The following PGD variants were observed in gnomAD, a reference collection of about 807,000 sequenced individuals.
PGD encodes the protein 6-phosphogluconate dehydrogenase, decarboxylating.
PGD carries 21 observed loss-of-function variants against 60.4 expected under a neutral mutation model. The ratio of observed to expected loss-of-function variants is 0.35; its 90% CI spans 0.25 to 0.50. The LOEUF (loss-of-function observed/expected upper bound fraction) is 0.50. PGD is among the 20% of genes least tolerant of loss of function. The probability of loss-of-function intolerance (pLI) is 0.98; values close to 1 mark genes in which losing one functional copy is unlikely to be tolerated. For synonymous variants in PGD, 230 were observed against 235.9 expected, an observed-to-expected ratio of 0.97 and a Z score of 0.23; for missense variants, 477 against 613.1, an observed-to-expected ratio of 0.78 and a Z score of 2.34.
intron 3 of PGD, among the ~76,000 whole-genome samples, chr1:10,400,890 G>A (rs926987418): frequency 2.0e-5 from 3 of 152,098 alleles, no homozygotes; most frequent in African/African-American, 4.8e-5. Context: ...CCAGGAGTTC[G>A]AGACCAGCCT....
At position 10,419,527 on chromosome 1, in the gene PGD, C is replaced by T. The variant is rs1298232789; in HGVS notation, c.1320C>T (p.Ala440=). Residue 440 remains alanine (A), a synonymous_variant, in exon 12 of 13, where the codon GCC becomes GCT. Coordinates refer to ENST00000270776, the MANE Select transcript of PGD (RefSeq NM_002631.4). ...YDGYRHEMLP[A]SLIQAQRDYF... is the part of the protein sequence containing the mutation. ...GGTACAGACATGAGATGCTTCCAGCCAGCCTCATCCAGGTAAGCCTGTGGA... is the reference window on the plus strand; with the variant it reads ...GGTACAGACATGAGATGCTTCCAGCTAGCCTCATCCAGGTAAGCCTGTGGA... 1.8e-5 allele frequency: 29 copies of T among 1,614,104 alleles called. No homozygotes were observed. The highest frequency in any genetic ancestry group is 2.3e-5 in the Non-Finnish European group (27 of 1,180,040).
intron 5 of PGD, among the ~76,000 whole-genome samples, chr1:10,405,401 T>C (rs78168259): frequency 6.2e-4 from 67 of 108,496 alleles, no homozygotes; most frequent in African/African-American, 1.5e-3. Flanking sequence ...AAACAAAAAA[T>C]ACACACACAC....
rs780912717 is a variant in PGD, at chr1:10,399,608, G to C, written c.9-21G>C. On this transcript the variant is annotated intron_variant, in intron 1 of 12. Coordinates refer to ENST00000270776, the MANE Select transcript of PGD (RefSeq NM_002631.4). Reference sequence around the variant, plus strand: ...TCGAGCGGTGCTGACTCTTTCCTTTGTTCTGTTTCTGCCTCTCTAGAGCTG... The same window carrying C: ...TCGAGCGGTGCTGACTCTTTCCTTTCTTCTGTTTCTGCCTCTCTAGAGCTG... The C allele has an allele frequency of 1.7e-5, 27 of 1,610,936 alleles. No individual in the cohort carries two copies. In the East Asian group the frequency reaches 3.6e-4, roughly 21 times the overall value.
chr1:10,413,077 A>G lies in PGD; in HGVS notation c.670A>G (p.Asn224Asp). ...CTGCATGTAGGCCTTTGAGGATTGG[A>G]ATAAGACAGAGCTAGACTCATTCCT... ...DEMAQAFEDW[N>D]KTELDSFLIE... Residue 224 changes from asparagine (N) to aspartate (D), a missense_variant, in exon 8 of 13, where the codon AAT becomes GAT. By Grantham distance (23) the Asn-to-Asp change is conservative. Transcript: ENST00000270776. 2 of 1,614,086 alleles carry G rather than the reference A, an allele frequency of 1.2e-6. No homozygotes were observed. The highest frequency in any genetic ancestry group is 1.7e-6 in the Non-Finnish European group (2 of 1,179,946).
chr1:10,408,941 A>G (rs182691457), intron 6 of PGD, among the ~76,000 whole-genome samples: 1 of 152,184 alleles, frequency 6.6e-6, no homozygotes, highest in Non-Finnish European at 1.5e-5. Flanking sequence ...ACTTTATCTC[A>G]TATTGTAGTT....
chr1:10,406,273 T>C (rs567054146), intron 5 of PGD, among the ~76,000 whole-genome samples: 9 of 152,200 alleles, frequency 5.9e-5, no homozygotes, highest in African/African-American at 1.7e-4. Flanking sequence ...AACAGCTGTG[T>C]GTGCAGTGGC....
chr1:10,412,982 C>A, intron 7 of PGD, 80 bp from the exon 8 acceptor site: 1 of 1,208,646 alleles, frequency 8.3e-7, no homozygotes, highest in Non-Finnish European at 1.2e-6. Context: ...GAGCATTGGT[C>A]AGCGTGGACA....
Position 10,417,396 on chromosome 1 carries a change from C to T in PGD, c.996C>T (p.Ile332=), listed in dbSNP as rs202058165. Residue 332 remains isoleucine, a synonymous_variant, in exon 10 of 13, where the codon ATC becomes ATT. Transcript: ENST00000270776. ...TTTAGGCACTCTACGCTTCCAAGAT[C>T]ATCTCTTACGCTCAAGGCTTTATGC... ...DIRKALYASK[I]ISYAQGFMLL... The T allele has an allele frequency of 9.3e-6, 15 of 1,612,132 alleles. No individual in the cohort carries two copies. Among genetic ancestry groups the T allele is most frequent in the Non-Finnish European group, 1.3e-5 (15 of 1,179,236 alleles).
chr1:10,411,379 G>T (rs1639495690), intron 6 of PGD, 39 bp from the exon 7 acceptor site: 1 of 1,610,588 alleles, frequency 6.2e-7, no homozygotes, highest in African/African-American at 1.3e-5. Flanking sequence ...TGTGTCGCCT[G>T]TTTCTCTGAA....
intron 7 of PGD, 135 bp downstream of exon 7, chr1:10,411,687 A>G (rs1249804754): frequency 3.3e-6 from 3 of 911,518 alleles, no homozygotes; most frequent in Admixed American, 2.2e-5. Context: ...TTTGAGGGAA[A>G]CTGTTAGTAA....
At chr1:10,415,198 TC>T (rs1639574623) in intron 8 of PGD, 1 of 152,212 alleles carries the variant, frequency 6.6e-6, no homozygotes, top group African/African-American at 2.4e-5. Flanking sequence ...CCTTTTGACC[TC>T]CCTGTTCATT....
In PGD at chr1:10,418,543, G is replaced by A. The variant is rs568830602; in HGVS notation, c.1110-283G>A. ...TGTAATCCCAGCGTTTTGGGAGGCCGAGGCAGGCGGATCACGAGGTCAGGA... is the reference window on the plus strand; with the variant it reads ...TGTAATCCCAGCGTTTTGGGAGGCCAAGGCAGGCGGATCACGAGGTCAGGA... On this transcript the variant is annotated intron_variant, in intron 10 of 12. Transcript: ENST00000270776. Among the ~76,000 whole-genome samples, 442 of 152,188 alleles carry A rather than the reference G, an allele frequency of 2.9e-3. 2 individuals are homozygous for A. Among genetic ancestry groups the A allele is most frequent in the African/African-American group, 0.01 (422 of 41,530 alleles).
intron 3 of PGD, among the ~76,000 whole-genome samples, chr1:10,402,434 C>T (rs1639330255): frequency 6.6e-6 from 1 of 151,716 alleles, no homozygotes; most frequent in Non-Finnish European, 1.5e-5. Context: ...ATTAAGTAGG[C>T]TGGGTGCGTT....
intron 8 of PGD, among the ~76,000 whole-genome samples, chr1:10,415,715 T>A (rs1007240170): frequency 9.2e-5 from 14 of 152,206 alleles, no homozygotes; most frequent in African/African-American, 3.1e-4. Context: ...AGAAATAAAG[T>A]CCTCTGTTAG....
At chr1:10,406,729 A>T (rs1443696573) in intron 5 of PGD, among the ~76,000 whole-genome samples, 2 of 152,206 alleles carry the variant, frequency 1.3e-5, no homozygotes, top group African/African-American at 4.8e-5. Flanking sequence ...ACAGTGAGGG[A>T]AAGTCTCAAG....
intron 8 of PGD, chr1:10,415,529 C>A (rs907381722): frequency 6.6e-6 from 1 of 152,206 alleles, no homozygotes; most frequent in African/African-American, 2.4e-5. Context: ...GCTGCCCTCT[C>A]CCCCTCTAAC....
intron 2 of PGD, 90 bp from the exon 3 acceptor site, chr1:10,400,303 G>A (rs1307785092): frequency 1.0e-6 from 1 of 981,632 alleles, no homozygotes; most frequent in Admixed American, 2.2e-5. Flanking sequence ...CCCAGAACTT[G>A]GGTTGAATGG....
At chr1:10,409,888 TC>T (rs1270719185) in intron 6 of PGD, among the ~76,000 whole-genome samples, 2 of 152,006 alleles carry the variant, frequency 1.3e-5, no homozygotes, top group African/African-American at 2.4e-5. Flanking sequence ...ACTCCTGACT[TC>T]AAGTAATCGG....
In PGD at chr1:10,402,032, AATT is replaced by A. The variant is rs762593462; in HGVS notation, c.265-1037_265-1035del. On this transcript the variant is annotated intron_variant, in intron 3 of 12. Transcript: ENST00000270776. ...TCCGTCTCAAATAAATAAATAAATT[AATT>A]AATTAATTAATAAAGTAATAATAAT... Among the ~76,000 whole-genome samples the A allele has an allele frequency of 2.6e-3, 371 of 141,564 alleles. 3 individuals are homozygous for A. Among genetic ancestry groups the A allele is most frequent in the Non-Finnish European group, 4.0e-3 (261 of 65,114 alleles). 92.9% of individuals were successfully genotyped at this position (141,564 alleles called of 152,430 possible).
Sources: allele counts gnomAD v4.1 joint callset (sites outside exome capture counted in the v4.1 genomes callset), GRCh38; gene constraint gnomAD v4.1.1; transcripts MANE v1.5; gene names NCBI Gene and HGNC (gene_info 2026-07-23, HGNC 2026-07-21).